Variants in BMPR1A observed in about 807,000 individuals in gnomAD.
BMPR1A encodes bone morphogenetic protein receptor type 1A.
BMPR1A carries 7 observed loss-of-function variants against 66.0 expected under a neutral mutation model. The ratio of observed to expected loss-of-function variants is 0.11; its 90% CI spans 0.06 to 0.20. BMPR1A has a LOEUF of 0.20. Among genes scored for constraint, BMPR1A ranks in the 10% least tolerant of loss-of-function variants. The pLI is 1.00. For missense variants in BMPR1A, 408 were observed against 669.1 expected (o/e 0.61, Z 4.31); for synonymous variants, 200 against 229.7 (o/e 0.87, Z 1.17).
chr10:86,800,048 G>T (rs930309581), intron 1 of BMPR1A, among the ~76,000 whole-genome samples: 1 of 152,240 alleles, frequency 6.6e-6, no homozygotes, highest in African/African-American at 2.4e-5. Context: ...CATACAGGTT[G>T]CAAACTAGTG....
chr10:86,815,286 A>T (rs545732079), intron 1 of BMPR1A, among the ~76,000 whole-genome samples: 18 of 152,004 alleles, frequency 1.2e-4, no homozygotes, highest in South Asian at 1.0e-3. Context: ...ACTGCCCCTC[A>T]CTTTTATGTG....
intron 3 of BMPR1A, among the ~76,000 whole-genome samples, chr10:86,878,016 T>C (rs1483200825): frequency 6.6e-6 from 1 of 152,202 alleles, no homozygotes; most frequent in Non-Finnish European, 1.5e-5. Context: ...ACATTTCCTT[T>C]CAAAAAATTA....
intron 1 of BMPR1A, among the ~76,000 whole-genome samples, chr10:86,816,692 C>T (rs1842038658): frequency 6.6e-6 from 1 of 152,148 alleles, no homozygotes; most frequent in South Asian, 2.1e-4. Context: ...TCTAAGAAAT[C>T]GAATGGCTTC....
intron 1 of BMPR1A, among the ~76,000 whole-genome samples, chr10:86,837,054 C>G (rs1467300287): frequency 1.3e-5 from 2 of 152,118 alleles, no homozygotes; most frequent in Non-Finnish European, 2.9e-5. Flanking sequence ...TTTGAAAGCT[C>G]TTTTGGTTAT....
intron 1 of BMPR1A, among the ~76,000 whole-genome samples, chr10:86,806,368 A>C (rs1337548959): frequency 1.3e-5 from 2 of 152,142 alleles, no homozygotes; most frequent in Non-Finnish European, 2.9e-5. Context: ...TCCCCTGCAG[A>C]TTTAATTGGT....
chr10:86,888,053 A>C (rs1025501245), intron 3 of BMPR1A, among the ~76,000 whole-genome samples: 3 of 152,052 alleles, frequency 2.0e-5, no homozygotes, highest in Admixed American at 1.3e-4. Flanking sequence ...GATCCAACGG[A>C]AGCCTTGACA....
intron 3 of BMPR1A, among the ~76,000 whole-genome samples, chr10:86,886,276 C>T (rs1300804460): frequency 6.6e-6 from 1 of 152,118 alleles, no homozygotes; most frequent in African/African-American, 2.4e-5. Flanking sequence ...GGATTTTATT[C>T]TGAGTGCATT....
chr10:86,807,703 C>T (rs773373236), intron 1 of BMPR1A, among the ~76,000 whole-genome samples: 9 of 152,118 alleles, frequency 5.9e-5, no homozygotes, highest in Non-Finnish European at 1.3e-4. Flanking sequence ...TTATGTATTC[C>T]GTTTAATCTG....
At chr10:86,833,189 C>A (rs3858286) in intron 1 of BMPR1A, among the ~76,000 whole-genome samples, 66,208 of 151,984 alleles carry the variant, frequency 0.44, 15,236 homozygotes, top group East Asian at 0.67. Context: ...GCAATGTATG[C>A]GGGTTCCAGC....
intron 8 of BMPR1A, among the ~76,000 whole-genome samples, chr10:86,915,003 T>C (rs1171583425): frequency 2.0e-5 from 3 of 152,204 alleles, no homozygotes; most frequent in Non-Finnish European, 4.4e-5. Context: ...GGTACATTCA[T>C]ACAGTGGAAT....
chr10:86,791,683 TC>T (rs1396830480), intron 1 of BMPR1A, among the ~76,000 whole-genome samples: 1 of 89,708 alleles, frequency 1.1e-5, no homozygotes, highest in Non-Finnish European at 2.1e-5. Flanking sequence ...CTTCTTTACT[TC>T]CTTCCTCCCT....
rs1430886611 is a variant in BMPR1A at position 86,890,073 on chromosome 10, G to T, written c.79G>T (p.Asp27Tyr). 1.2e-6 allele frequency: 2 copies of T among 1,613,016 alleles called. No homozygotes were observed. Among genetic ancestry groups the T allele is most frequent in the Non-Finnish European group, 1.7e-6 (2 of 1,179,974 alleles). The change falls in exon 4 of 13, where the codon GAT becomes TAT. Residue 27 changes from aspartate to tyrosine, a missense_variant. Asp to Tyr is a radical substitution (Grantham distance 160). This residue lies in a region of BMPR1A where 68 missense variants were observed against 83.0 expected (regional missense o/e 0.82). Coordinates refer to ENST00000372037, the MANE Select transcript of BMPR1A (RefSeq NM_004329.3). ...ATATTTGAATGCAGGACAGAATCTG[G>T]ATAGTATGCTTCATGGCACTGGGAT... ...IISRVQGQNL[D>Y]SMLHGTGMKS...
At chr10:86,833,074 C>T (rs1160185958) in intron 1 of BMPR1A, among the ~76,000 whole-genome samples, 1 of 152,132 alleles carries the variant, frequency 6.6e-6, no homozygotes, top group African/African-American at 2.4e-5. Context: ...TGGGCTACTG[C>T]ACTCTAGCCT....
chr10:86,865,230 A>C (rs1470627178), intron 2 of BMPR1A, among the ~76,000 whole-genome samples: 1 of 152,156 alleles, frequency 6.6e-6, no homozygotes, highest in Non-Finnish European at 1.5e-5. Context: ...AACTGATGAC[A>C]TTCCACCACA....
At chr10:86,777,643 TAC>T (rs1196792702) in intron 1 of BMPR1A, among the ~76,000 whole-genome samples, 7 of 152,176 alleles carry the variant, frequency 4.6e-5, no homozygotes, top group Non-Finnish European at 1.0e-4. Context: ...ATCACAGTGT[TAC>T]AATATTGTTC....
chr10:86,759,962 C>A (rs189005787), intron 1 of BMPR1A, among the ~76,000 whole-genome samples: 167 of 145,254 alleles, frequency 1.1e-3, no homozygotes, highest in African/African-American at 4.0e-3. Context: ...GTTCTCCCCC[C>A]ACCACCCCGC....
intron 2 of BMPR1A, among the ~76,000 whole-genome samples, chr10:86,845,886 A>G (rs1427887661): frequency 6.6e-6 from 1 of 151,384 alleles, no homozygotes; most frequent in Non-Finnish European, 1.5e-5. Context: ...AGTCCCAGCT[A>G]CTCGGGAGGC....
At chr10:86,864,835 C>G (rs1842760634) in intron 2 of BMPR1A, among the ~76,000 whole-genome samples, 1 of 152,096 alleles carries the variant, frequency 6.6e-6, no homozygotes, top group Non-Finnish European at 1.5e-5. Flanking sequence ...ACAAATGTTT[C>G]TTCTAACAAT....
chr10:86,826,344 G>GA (rs1411327868), intron 1 of BMPR1A, among the ~76,000 whole-genome samples: 1 of 150,670 alleles, frequency 6.6e-6, no homozygotes, highest in Admixed American at 6.6e-5. Context: ...GAAACCAAGG[G>GA]AAAAAATATA....
Sources: gnomAD v4.1 joint callset for allele counts (sites outside exome capture counted in the v4.1 genomes callset) on GRCh38, gnomAD v4.1.1 for gene constraint, gnomAD v4.1.1 regional missense constraint, MANE v1.5 for transcripts, NCBI Gene and HGNC (gene_info 2026-07-23, HGNC 2026-07-21) for gene names.